The following LDB2 variants were observed in gnomAD, a reference collection of about 807,000 sequenced individuals.
LDB2 encodes LIM domain-binding protein 2.
LDB2 carries 12 observed loss-of-function variants against 44.3 expected under a neutral mutation model. The ratio of observed to expected loss-of-function variants is 0.27; its 90% confidence interval spans 0.17 to 0.44. The LOEUF (loss-of-function observed/expected upper bound fraction) is 0.44, where lower values mean the gene tolerates loss of function less well. Among genes scored for constraint, LDB2 ranks in the 20% least tolerant of loss-of-function variants. LDB2 has a pLI of 1.00. For missense variants in LDB2, 344 were observed against 473.5 expected (o/e 0.73, Z 2.54); for synonymous variants, 164 against 174.8 (o/e 0.94, Z 0.49).
Position 16,853,376 on chromosome 4 carries a change from G to A in LDB2, c.132+44978C>T, listed in dbSNP as rs1788660348. On this transcript the variant is annotated intron_variant, in intron 1 of 7. Coordinates refer to ENST00000304523, the MANE Select transcript of LDB2 (RefSeq NM_001290.5). ...ACACAAAAATGGTCAATATGTGTAT[G>A]GAAAGGTGTTCAACATTATTAATAG... Among the ~76,000 whole-genome samples, 3 of 152,140 alleles carry A rather than the reference G, an allele frequency of 2.0e-5. 1 individual carries two copies. The highest frequency in any genetic ancestry group is 2.0e-4 in the Admixed American group (3 of 15,262).
intron 3 of LDB2, among the ~76,000 whole-genome samples, chr4:16,592,392 C>T (rs1382605671): frequency 1.3e-5 from 2 of 150,388 alleles, no homozygotes; most frequent in Non-Finnish European, 2.9e-5. Context: ...TTTAGATTAA[C>T]ACTTGTGCAA....
At chr4:16,743,793 C>T (rs1172223306) in intron 2 of LDB2, among the ~76,000 whole-genome samples, 3 of 152,190 alleles carry the variant, frequency 2.0e-5, no homozygotes, top group Admixed American at 1.3e-4. Flanking sequence ...TCAGTTTCTG[C>T]CTTGTGAGAC....
At chr4:16,815,977 G>T (rs1301881195) in intron 1 of LDB2, among the ~76,000 whole-genome samples, 1 of 152,216 alleles carries the variant, frequency 6.6e-6, no homozygotes, top group East Asian at 1.9e-4. Flanking sequence ...GGAGGCCGAG[G>T]CGGGTGGATC....
chr4:16,706,147 C>T (rs577622191), intron 2 of LDB2, among the ~76,000 whole-genome samples: 2 of 152,196 alleles, frequency 1.3e-5, no homozygotes, highest in Non-Finnish European at 2.9e-5. Flanking sequence ...GATGGCATTT[C>T]GTGCTAAGCC....
intron 1 of LDB2, among the ~76,000 whole-genome samples, chr4:16,836,527 T>C (rs542145207): frequency 3.9e-5 from 6 of 152,312 alleles, no homozygotes; most frequent in Non-Finnish European, 8.8e-5. Flanking sequence ...CTGTTGCTAT[T>C]TTCTATTGAT....
chr4:16,512,182 C>T (rs1721997449), intron 5 of LDB2, 78 bp from the exon 6 acceptor site: 1 of 1,284,570 alleles, frequency 7.8e-7, no homozygotes, highest in Admixed American at 2.5e-5. Context: ...CAGCTGGAAT[C>T]AAGTAGACAG....
rs369517471 is a variant in LDB2 at position 16,739,711 on chromosome 4, T to TAC, written c.235+19446_235+19447insGT. ...ATGTATATATACATATATGTGTATA[T>TAC]ATGTATATATACATATATGTGTATA... On this transcript the variant is annotated intron_variant, in intron 2 of 7. Coordinates refer to ENST00000304523, the MANE Select transcript of LDB2 (RefSeq NM_001290.5). Among the ~76,000 whole-genome samples, 6 of 59,942 alleles carry TAC rather than the reference T, an allele frequency of 1.0e-4. 1 individual carries two copies. The highest frequency in any genetic ancestry group is 4.1e-4 in the South Asian group (1 of 2,438). 39.3% of individuals were successfully genotyped at this position (59,942 alleles called of 152,430 possible). A position where few individuals can be genotyped will look rare whatever the true frequency, so the allele number is the denominator to read the frequency against.
At chr4:16,711,801 C>A (rs992469317) in intron 2 of LDB2, among the ~76,000 whole-genome samples, 1 of 152,156 alleles carries the variant, frequency 6.6e-6, no homozygotes, top group African/African-American at 2.4e-5. Flanking sequence ...TTACAACCAA[C>A]TGATTTTAGA....
At chr4:16,745,357 G>A (rs1339261092) in intron 2 of LDB2, among the ~76,000 whole-genome samples, 2 of 152,182 alleles carry the variant, frequency 1.3e-5, no homozygotes, top group African/African-American at 4.8e-5. Flanking sequence ...TTAAGAACTC[G>A]TTTACTTAGA....
chr4:16,871,210 GA>G (rs761334115), intron 1 of LDB2, among the ~76,000 whole-genome samples: 11 of 152,154 alleles, frequency 7.2e-5, no homozygotes, highest in Non-Finnish European at 1.3e-4. Context: ...TTGCATGATG[GA>G]AATACTGTAT....
rs565370841 is a variant in LDB2, at chr4:16,701,248, G to C, written c.235+57910C>G. On this transcript the variant is annotated intron_variant, in intron 2 of 7. Coordinates refer to ENST00000304523, the MANE Select transcript of LDB2 (RefSeq NM_001290.5). ...CTCAGCCTTCATAACAAAGATATCA[G>C]TGCTCAATAGATAACCCTTGAGTAG... Among the ~76,000 whole-genome samples the C allele has an allele frequency of 5.3e-5, 8 of 152,284 alleles. No homozygotes were observed. In the South Asian group the frequency reaches 1.2e-3, roughly 24 times the overall value.
intron 1 of LDB2, among the ~76,000 whole-genome samples, chr4:16,785,099 C>T (rs908275269): frequency 2.6e-5 from 4 of 151,250 alleles, no homozygotes; most frequent in Admixed American, 1.3e-4. Flanking sequence ...TGTGTATGTA[C>T]GTATATTTAA....
chr4:16,890,777 T>C (rs1016149919), intron 1 of LDB2, among the ~76,000 whole-genome samples: 1 of 152,174 alleles, frequency 6.6e-6, no homozygotes, highest in Non-Finnish European at 1.5e-5. Flanking sequence ...TGAGGAGATC[T>C]ATCTTATCTT....
chr4:16,722,731 C>T (rs1399364), intron 2 of LDB2, among the ~76,000 whole-genome samples: 6,740 of 152,004 alleles, frequency 0.044, 553 homozygotes, highest in African/African-American at 0.16. Flanking sequence ...CTGTGTGACC[C>T]AAGAAGCTGT....
Position 16,502,742 on chromosome 4 carries a change from G to T in LDB2, c.1023C>A (p.Asn341Lys). The change falls in exon 8 of 8, where the codon AAC becomes AAA. Residue 341 changes from asparagine (N) to lysine (K), a missense_variant. Asn to Lys is a moderately conservative substitution (Grantham distance 94). Coordinates refer to ENST00000304523, the MANE Select transcript of LDB2 (RefSeq NM_001290.5). ...ANGMDDEEDF[N>K]NSPALGNNSP... The stretch of plus-strand genomic sequence containing the variant: ...TGTTGTTCCCCAGCGCGGGTGAATT[G>T]TTGAAGTCCTCCTCGTCGTCCATGC... 6.2e-7 allele frequency: 1 copy of T among 1,614,010 alleles called. No homozygotes were observed. The highest frequency in any genetic ancestry group is 8.5e-7 in the Non-Finnish European group (1 of 1,179,980).
intron 2 of LDB2, among the ~76,000 whole-genome samples, chr4:16,666,711 A>G (rs528515378): frequency 1.3e-5 from 2 of 152,268 alleles, no homozygotes; most frequent in East Asian, 3.9e-4. Flanking sequence ...AATTCACAAT[A>G]TTTTGCAGAA....
chr4:16,864,828 G>C (rs1445905752), intron 1 of LDB2, among the ~76,000 whole-genome samples: 2 of 152,152 alleles, frequency 1.3e-5, no homozygotes, highest in African/African-American at 4.8e-5. Flanking sequence ...GGGAGGCTGA[G>C]GCAGGAGAAT....
intron 5 of LDB2, among the ~76,000 whole-genome samples, chr4:16,561,213 G>T (rs1176988806): frequency 6.6e-6 from 1 of 152,182 alleles, no homozygotes; most frequent in East Asian, 1.9e-4. Flanking sequence ...GGAAGTTCTG[G>T]CCAGGGCAAT....
At chr4:16,840,554 C>G (rs1328830773) in intron 1 of LDB2, among the ~76,000 whole-genome samples, 1 of 152,126 alleles carries the variant, frequency 6.6e-6, no homozygotes, top group Admixed American at 6.5e-5. Context: ...ATCTACAGTA[C>G]AGAAGTCGTT....
Sources: gnomAD v4.1 joint callset for allele counts (sites outside exome capture counted in the v4.1 genomes callset) on GRCh38, gnomAD v4.1.1 for gene constraint, MANE v1.5 for transcripts, NCBI Gene and HGNC (gene_info 2026-07-23, HGNC 2026-07-21) for gene names.